The following CEP85L variants were observed in gnomAD, a reference collection of about 807,000 sequenced individuals.
CEP85L encodes centrosomal protein of 85 kDa-like.
CEP85L carries 60 observed loss-of-function variants against 100.3 expected under a neutral mutation model. The observed-to-expected ratio is 0.60, with a 90% confidence interval of 0.49 to 0.74. The LOEUF is 0.74. Ranked by LOEUF, CEP85L falls within the 30% of genes least tolerant of loss-of-function variation. The pLI, the probability that CEP85L is intolerant of heterozygous loss-of-function variation, is 0.00. For synonymous variants in CEP85L, 319 were observed against 322.7 expected, an observed-to-expected ratio of 0.99 and a Z score of 0.12; for missense variants, 973 against 936.2, an observed-to-expected ratio of 1.04 and a Z score of -0.51.
intron 6 of CEP85L, among the ~76,000 whole-genome samples, chr6:118,490,167 G>A (rs560412218): frequency 1.3e-5 from 2 of 152,228 alleles, no homozygotes; most frequent in African/African-American, 4.8e-5. Flanking sequence ...ACAGAGAGTA[G>A]ACTGGTGGTT....
intron 2 of CEP85L, among the ~76,000 whole-genome samples, chr6:118,621,077 C>A (rs888855888): frequency 3.3e-5 from 5 of 152,152 alleles, no homozygotes; most frequent in African/African-American, 1.2e-4. Flanking sequence ...AAAGACCCCA[C>A]CACTTTTCCT....
rs1562297733 is a variant in CEP85L at position 118,600,300 on chromosome 6, G to GGGGGT, written c.232+32152_232+32153insACCCC. 2.0e-3 allele frequency among the ~76,000 whole-genome samples: 104 copies of GGGGGT among 52,242 alleles called. 23 individuals are homozygous for GGGGGT. The highest frequency in any genetic ancestry group is 1.9e-3 in the Non-Finnish European group (47 of 24,778). The allele number at this position is 52,242 out of a possible 152,430, so 34.3% of individuals were successfully genotyped here. On this transcript the variant is annotated intron_variant, in intron 2 of 12. Coordinates refer to ENST00000368491, the MANE Select transcript of CEP85L (RefSeq NM_001042475.3). ...CTGCCTGTCCCTGAGCCTTCCTGGG[G>GGGGGT]GTGTGTGTGTGTGTGTGTGTGTGTG...
intron 3 of CEP85L, among the ~76,000 whole-genome samples, chr6:118,543,574 T>C (rs143391900): frequency 2.0e-4 from 30 of 152,334 alleles, no homozygotes; most frequent in African/African-American, 7.2e-4. Context: ...TTATTACTTG[T>C]ATAATTAGAA....
intron 2 of CEP85L, among the ~76,000 whole-genome samples, chr6:118,570,308 G>T (rs1376260531): frequency 6.6e-6 from 1 of 152,132 alleles, no homozygotes; most frequent in Non-Finnish European, 1.5e-5. Flanking sequence ...GACCTCAAAA[G>T]AGTTTAAAAT....
intron 3 of CEP85L, among the ~76,000 whole-genome samples, chr6:118,539,186 AT>A (rs1777768102): frequency 6.6e-6 from 1 of 152,202 alleles, no homozygotes; most frequent in African/African-American, 2.4e-5. Context: ...AGGGATAAAA[AT>A]ATTTGATAGT....
chr6:118,646,523 G>A lies in CEP85L; in HGVS notation c.73+4674C>T, dbSNP rs563670617. 4.6e-5 allele frequency among the ~76,000 whole-genome samples: 7 copies of A among 151,930 alleles called. No individual in the cohort carries two copies. In the East Asian group the frequency reaches 1.4e-3, roughly 30 times the overall value. On this transcript the variant is annotated intron_variant, in intron 1 of 12. Transcript: ENST00000368491. ...GACTCTACAAAAATACAAAACATTA[G>A]CCAGGTATGGTGGTTTACGCCTCTA...
chr6:118,476,386 T>C (rs962673900), intron 10 of CEP85L, among the ~76,000 whole-genome samples: 2 of 152,008 alleles, frequency 1.3e-5, no homozygotes, highest in Non-Finnish European at 2.9e-5. Context: ...TTTTTCACCA[T>C]CATAAGCAAT....
intron 1 of CEP85L, among the ~76,000 whole-genome samples, chr6:118,646,081 G>T (rs1244113674): frequency 6.6e-6 from 1 of 151,390 alleles, no homozygotes; most frequent in African/African-American, 2.4e-5. Flanking sequence ...GCCAGGCATG[G>T]TGGCACACGC....
intron 10 of CEP85L, among the ~76,000 whole-genome samples, chr6:118,477,388 G>T (rs1456004317): frequency 6.6e-6 from 1 of 152,052 alleles, no homozygotes; most frequent in Non-Finnish European, 1.5e-5. Context: ...CGAAAGCTGT[G>T]AATAAATAAA....
chr6:118,622,644 T>G (rs990532593), intron 2 of CEP85L, among the ~76,000 whole-genome samples: 3 of 152,238 alleles, frequency 2.0e-5, no homozygotes, highest in African/African-American at 7.2e-5. Flanking sequence ...TGTATACAGA[T>G]AGCAGATATG....
At chr6:118,621,757 C>T (rs903545555) in intron 2 of CEP85L, among the ~76,000 whole-genome samples, 1 of 152,202 alleles carries the variant, frequency 6.6e-6, no homozygotes, top group African/African-American at 2.4e-5. Context: ...TGAGCCTATA[C>T]TGGCTTATCC....
At chr6:118,511,194 ATACAT>A (rs1182095008) in intron 5 of CEP85L, 99 bp downstream of exon 5, 1 of 742,858 alleles carries the variant, frequency 1.3e-6, no homozygotes, top group African/African-American at 1.8e-5. Flanking sequence ...AATCATGTGA[ATACAT>A]TATTAAGTTG....
intron 2 of CEP85L, among the ~76,000 whole-genome samples, chr6:118,591,452 G>A (rs1454108774): frequency 1.3e-5 from 2 of 152,158 alleles, no homozygotes; most frequent in East Asian, 1.9e-4. Context: ...GCATAGAAGT[G>A]TAATTTTGTA....
chr6:118,478,791 G>A (rs1773570096), intron 10 of CEP85L, among the ~76,000 whole-genome samples: 1 of 152,018 alleles, frequency 6.6e-6, no homozygotes, highest in Non-Finnish European at 1.5e-5. Context: ...CTACAGACTT[G>A]GTTAACATAT....
chr6:118,493,215 G>C (rs1774690853), intron 5 of CEP85L, among the ~76,000 whole-genome samples: 1 of 152,130 alleles, frequency 6.6e-6, no homozygotes, highest in East Asian at 1.9e-4. Flanking sequence ...ATTCTAGAAA[G>C]AACATTTTTA....
chr6:118,646,788 T>A (rs1055528985), intron 1 of CEP85L: 87 of 311,302 alleles, frequency 2.8e-4, no homozygotes, highest in African/African-American at 1.9e-3. Context: ...TATGTCTTCA[T>A]CATCTTTTCA....
chr6:118,652,730 G>GT, upstream of CEP85L: 1 of 1,545,702 alleles, frequency 6.5e-7, no homozygotes. Context: ...TCTGATTGGA[G>GT]TTTTACATTT....
intron 3 of CEP85L, chr6:118,548,476 AAATGAG>A (rs1778341906): frequency 6.6e-6 from 1 of 152,108 alleles, no homozygotes; most frequent in Admixed American, 6.6e-5. Context: ...TGAACTTTTA[AAATGAG>A]TTAATTTTAT....
intron 2 of CEP85L, among the ~76,000 whole-genome samples, chr6:118,584,922 A>T (rs140281166): frequency 3.2e-4 from 48 of 152,354 alleles, no homozygotes; most frequent in African/African-American, 1.2e-3. Context: ...ACCTAAATCC[A>T]GCCGCCTTCC....
Sources: allele counts gnomAD v4.1 joint callset (sites outside exome capture counted in the v4.1 genomes callset), GRCh38; gene constraint gnomAD v4.1.1; transcripts MANE v1.5; gene names NCBI Gene and HGNC (gene_info 2026-07-23, HGNC 2026-07-21).